MAP4K2: variants seen among roughly 807,000 people sequenced by gnomAD.
MAP4K2 encodes the protein B lymphocyte serine/threonine protein kinase.
A neutral mutation model predicts 125.3 loss-of-function variants in MAP4K2; 85 were observed. The ratio of observed to expected loss-of-function variants is 0.68; its 90% CI spans 0.57 to 0.81. The LOEUF (loss-of-function observed/expected upper bound fraction) is 0.81, where lower values mean the gene tolerates loss of function less well. MAP4K2 is among the 40% of genes least tolerant of loss of function. MAP4K2 has a pLI of 0.00. For missense variants in MAP4K2, 923 were observed against 1,056.4 expected (o/e 0.87, Z 1.75); for synonymous variants, 479 against 445.1 (o/e 1.08, Z -0.96).
rs201087163 is a variant in MAP4K2 at position 64,789,868 on chromosome 11, A to T, written c.2319+21T>A. The T allele has an allele frequency of 2.3e-4, 379 of 1,613,994 alleles. 1 individual carries two copies. Among genetic ancestry groups the T allele is most frequent in the South Asian group, 2.0e-3 (181 of 91,084 alleles). On this transcript the variant is annotated intron_variant, in intron 30 of 31. Coordinates refer to ENST00000294066, the MANE Select transcript of MAP4K2 (RefSeq NM_004579.5). ...AGGGACCACAAGGCAGGGGACAGCA[A>T]GGTCCCTGGGCCCCACTCACCTCAT...
At chr11:64,799,724 G>A (rs773391046) in intron 12 of MAP4K2, 41 bp from the exon 13 acceptor site, 26 of 1,555,368 alleles carry the variant, frequency 1.7e-5, no homozygotes, top group Admixed American at 6.8e-5. Context: ...CCTGGCACGC[G>A]CCTCATGCCG....
intron 30 of MAP4K2, 49 bp from the exon 31 acceptor site, chr11:64,789,834 C>A: frequency 6.2e-7 from 1 of 1,614,040 alleles, no homozygotes; most frequent in Admixed American, 1.7e-5. Flanking sequence ...AGGTCCTTTC[C>A]AAAGAGGTAG....
Position 64,792,165 on chromosome 11 carries a change from C to T in MAP4K2, c.1914+7G>A. The T allele has an allele frequency of 6.2e-7, 1 of 1,606,772 alleles. No individual in the cohort carries two copies. Among genetic ancestry groups the T allele is most frequent in the Non-Finnish European group, 8.5e-7 (1 of 1,176,846 alleles). On this transcript the variant is annotated splice_region_variant and intron_variant, in intron 26 of 31. Transcript: ENST00000294066. ...GGTGCCCTGGGCCTCCCCCCACCGC[C>T]CCTCACCTTCAGCAGCAGAAACTTC...
In MAP4K2 at chr11:64,797,512, A is replaced by C; in HGVS notation, c.1159T>G (p.Ser387Ala). ...CCTCTGTGTGGCACCTGGAATTCTG[A>C]GGCTGACCGAATAGTCAGACTCCTG... ...EERSLTIRSA[S>A]EFQELDSPDD... The change falls in exon 17 of 32, where the codon TCA becomes GCA. Residue 387 changes from serine to alanine, a missense_variant. By Grantham distance (99) the Ser-to-Ala change is moderately conservative. Transcript: ENST00000294066. 6.4e-7 allele frequency: 1 copy of C among 1,567,188 alleles called. No homozygotes were observed. Among genetic ancestry groups the C allele is most frequent in the East Asian group, 2.4e-5 (1 of 42,418 alleles).
chr11:64,795,223 A>G (rs1414424062), intron 24 of MAP4K2, among the ~76,000 whole-genome samples: 2 of 150,904 alleles, frequency 1.3e-5, no homozygotes, highest in African/African-American at 4.9e-5. Context: ...AGCTGGGACT[A>G]CAGGTGCGCA....
At chr11:64,802,759 G>A (rs1941297824) in intron 2 of MAP4K2, 106 bp from the exon 3 acceptor site, 3 of 1,449,974 alleles carry the variant, frequency 2.1e-6, no homozygotes, top group Non-Finnish European at 2.8e-6. Flanking sequence ...CCAGGCAGGT[G>A]CAGGTGACAG....
At chr11:64,801,230 A>G (rs768533155) in intron 7 of MAP4K2, 47 bp from the exon 8 acceptor site, 1 of 1,587,666 alleles carries the variant, frequency 6.3e-7, no homozygotes, top group Admixed American at 1.7e-5. Flanking sequence ...GCTGCCACTC[A>G]CCCTCCCACG....
rs373345505 is a variant in MAP4K2 at position 64,789,966 on chromosome 11, G to A, written c.2249-7C>T. The A allele has an allele frequency of 3.7e-6, 6 of 1,612,756 alleles. No individual in the cohort carries two copies. The highest frequency in any genetic ancestry group is 5.1e-6 in the Non-Finnish European group (6 of 1,179,810). On this transcript the variant is annotated splice_region_variant and splice_polypyrimidine_tract_variant and intron_variant, in intron 29 of 31. Transcript: ENST00000294066. ...ACACTGTCCTGCAGGCACACTATGG[G>A]GGCCAGGCCACCATCAGCCCTGCAC...
In MAP4K2 at chr11:64,785,983, C is replaced by T. The variant is rs1238707299; in HGVS notation, c.*3554G>A. Reference sequence around the variant, plus strand: ...GAGTTATAACTTAAATACCCATGAACCTACCACCAAACCTGAGAGCTAAGA... The same window carrying T: ...GAGTTATAACTTAAATACCCATGAATCTACCACCAAACCTGAGAGCTAAGA... On this transcript the variant is annotated 3_prime_UTR_variant, in exon 32 of 32. Transcript: ENST00000294066. 2 of 152,156 alleles carry T rather than the reference C, an allele frequency of 1.3e-5. No individual in the cohort carries two copies. The highest frequency in any genetic ancestry group is 4.8e-5 in the African/African-American group (2 of 41,432). The allele number at this position is 152,156 out of a possible 1,614,324, so 9.4% of individuals were successfully genotyped here. A position where few individuals can be genotyped will look rare whatever the true frequency, so the allele number is the denominator to read the frequency against.
chr11:64,802,692 G>A lies in MAP4K2; in HGVS notation c.155-39C>T, dbSNP rs202211568. The A allele has an allele frequency of 1.1e-4, 180 of 1,591,794 alleles. 1 individual carries two copies. The East Asian group carries it at 4.0e-3, about 35-fold the overall frequency. ...AGCATCATGGGGAAGGCGCGCTGGG[G>A]TTGCCCTGACTCAGTGCCCCCATCT... On this transcript the variant is annotated intron_variant, in intron 2 of 31. Transcript: ENST00000294066.
intron 1 of MAP4K2, 23 bp downstream of exon 1, chr11:64,803,031 C>G: frequency 1.3e-6 from 2 of 1,597,000 alleles, no homozygotes; most frequent in South Asian, 1.1e-5. Flanking sequence ...CTCCTCCCGG[C>G]TCTCCCGCCC....
chr11:64,800,053 C>A, intron 12 of MAP4K2, 56 bp downstream of exon 12: 1 of 1,405,070 alleles, frequency 7.1e-7, no homozygotes, highest in South Asian at 1.2e-5. Context: ...ACATCACCCT[C>A]GGGCTCTTTC....
In MAP4K2 at chr11:64,801,061, G is replaced by A. The variant is rs533655; in HGVS notation, c.531-30C>T. 1.1e-3 allele frequency: 1,770 copies of A among 1,613,712 alleles called. 23 individuals carry two copies. In the African/African-American group the frequency reaches 0.021, roughly 19 times the overall value. ...AGGTGGGGTCACAGATGGGATGGCC[G>A]GGTGCCCTGCTCTGTGGCCCCTACC... On this transcript the variant is annotated intron_variant, in intron 8 of 31. Coordinates refer to ENST00000294066, the MANE Select transcript of MAP4K2 (RefSeq NM_004579.5).
rs1286382931 is a variant in MAP4K2 at position 64,802,596 on chromosome 11, G to T, written c.212C>A (p.Pro71His). 6.2e-7 allele frequency: 1 copy of T among 1,612,050 alleles called. No individual in the cohort carries two copies. Among genetic ancestry groups the T allele is most frequent in the Admixed American group, 1.7e-5 (1 of 59,808 alleles). Reference protein sequence around the residue: ...EITILRECRHPNVVAYIGSYL... With the variant: ...EITILRECRHHNVVAYIGSYL... Reference sequence around the variant, plus strand: ...GCTGCCAATGTAGGCCACCACATTGGGGTGGCGGCACTCACGCAGGATGGT... The same window carrying T: ...GCTGCCAATGTAGGCCACCACATTGTGGTGGCGGCACTCACGCAGGATGGT... Residue 71 changes from proline (P) to histidine (H), a missense_variant, in exon 3 of 32, where the codon CCC becomes CAC. Around this residue, in one of 2 missense-constraint regions of MAP4K2, gnomAD observed 833 missense variants for 911.4 expected, o/e 0.91. Coordinates refer to ENST00000294066, the MANE Select transcript of MAP4K2 (RefSeq NM_004579.5).
rs530690051 is a variant in MAP4K2 at position 64,797,766 on chromosome 11, C to T, written c.1098-102G>A. 58 of 1,148,420 alleles carry T rather than the reference C, an allele frequency of 5.1e-5. No individual in the cohort carries two copies. The African/African-American group carries it at 8.4e-4, about 17-fold the overall frequency. 71.1% of individuals were successfully genotyped at this position (1,148,420 alleles called of 1,614,324 possible). ...TGTCACCCAGGCCGGAGTGCAGTGGCGCAATCGCGGCTCACTGCAAGCTCC... is the reference window on the plus strand; with the variant it reads ...TGTCACCCAGGCCGGAGTGCAGTGGTGCAATCGCGGCTCACTGCAAGCTCC... On this transcript the variant is annotated intron_variant, in intron 15 of 31. Coordinates refer to ENST00000294066, the MANE Select transcript of MAP4K2 (RefSeq NM_004579.5).
At position 64,790,465 on chromosome 11, in the gene MAP4K2, G is replaced by A. The variant is rs1300085170; in HGVS notation, c.2093-3C>T. The stretch of plus-strand genomic sequence containing the variant: ...CTGGGCCGAGCCTGGGATCCCCTCT[G>A]CAGGCAGAGAAGAGAGACATGGCCT... On this transcript the variant is annotated splice_polypyrimidine_tract_variant and splice_region_variant and intron_variant, in intron 27 of 31. Coordinates refer to ENST00000294066, the MANE Select transcript of MAP4K2 (RefSeq NM_004579.5). The A allele has an allele frequency of 1.2e-6, 2 of 1,613,676 alleles. No homozygotes were observed. The highest frequency in any genetic ancestry group is 1.7e-6 in the Non-Finnish European group (2 of 1,179,944).
chr11:64,801,039 T>TG lies in MAP4K2; in HGVS notation c.531-9dup, dbSNP rs1454198941. On this transcript the variant is annotated splice_polypyrimidine_tract_variant and intron_variant, in intron 8 of 31. Coordinates refer to ENST00000294066, the MANE Select transcript of MAP4K2 (RefSeq NM_004579.5). Reference sequence around the variant, plus strand: ...GCCACCTCGGGAGCCATCCTAGAGGTGGGGTCACAGATGGGATGGCCGGGT... The same window carrying TG: ...GCCACCTCGGGAGCCATCCTAGAGGTGGGGGTCACAGATGGGATGGCCGGGT... 2 of 1,613,620 alleles carry TG rather than the reference T, an allele frequency of 1.2e-6. No individual in the cohort carries two copies. Among genetic ancestry groups the TG allele is most frequent in the African/African-American group, 2.7e-5 (2 of 74,882 alleles).
At chr11:64,791,219 T>G (rs1040289058) in intron 27 of MAP4K2, among the ~76,000 whole-genome samples, 1 of 152,110 alleles carries the variant, frequency 6.6e-6, no homozygotes, top group Non-Finnish European at 1.5e-5. Context: ...CTTAACTACG[T>G]GCGCCCTCCT....
chr11:64,794,625 C>CT (rs1940684594), intron 24 of MAP4K2, among the ~76,000 whole-genome samples: 1 of 152,074 alleles, frequency 6.6e-6, no homozygotes. Context: ...TCCCAAAGTG[C>CT]GGGATTACAG....
Sources: allele counts gnomAD v4.1 joint callset (sites outside exome capture counted in the v4.1 genomes callset), GRCh38; gene constraint gnomAD v4.1.1; regional missense constraint gnomAD v4.1.1; transcripts MANE v1.5; gene names NCBI Gene and HGNC (gene_info 2026-07-23, HGNC 2026-07-21).